The following PI4K2B variants were observed in gnomAD, a reference collection of about 807,000 sequenced individuals.
PI4K2B encodes the protein phosphatidylinositol 4-kinase type 2 beta.
Under a neutral mutation model 56.6 loss-of-function variants are expected in PI4K2B, and 46 were observed. That is an observed-to-expected ratio of 0.81 (90% confidence interval 0.64 to 1.04). PI4K2B has a LOEUF of 1.04. Ranked by LOEUF, PI4K2B falls within the 50% of genes least tolerant of loss-of-function variation. The pLI, the probability that PI4K2B is intolerant of heterozygous loss-of-function variation, is 0.00. For synonymous variants in PI4K2B, 211 were observed against 223.8 expected (o/e 0.94, Z 0.51); for missense variants, 556 against 607.7 (o/e 0.91, Z 0.89).
At chr4:25,272,128 G>A (rs1716921843) in intron 9 of PI4K2B, among the ~76,000 whole-genome samples, 1 of 151,760 alleles carries the variant, frequency 6.6e-6, no homozygotes, top group Non-Finnish European at 1.5e-5. Flanking sequence ...CTGGGCAGCA[G>A]AGCAAGACCT....
chr4:25,268,385 TG>T lies in PI4K2B; in HGVS notation c.1079-57del, dbSNP rs970664008. On this transcript the variant is annotated intron_variant, in intron 7 of 9. Coordinates refer to ENST00000264864, the MANE Select transcript of PI4K2B (RefSeq NM_018323.4). ...AGTTGTAGGAAAGAACCGGGAAAAA[TG>T]TAAGTCTAAATAAACCATTTCCTAC... The T allele has an allele frequency of 7.8e-6, 11 of 1,417,724 alleles. No homozygotes were observed. The African/African-American group carries it at 1.3e-4, about 17-fold the overall frequency. The allele number at this position is 1,417,724 out of a possible 1,614,324, so 87.8% of individuals were successfully genotyped here.
chr4:25,256,150 TCAAGCAGTCTACCTGCCA>T (rs1357301278), intron 3 of PI4K2B, among the ~76,000 whole-genome samples: 1 of 152,196 alleles, frequency 6.6e-6, no homozygotes, highest in Non-Finnish European at 1.5e-5. Context: ...ACTCCTGAGC[TCAAGCAGTCTACCTGCCA>T]CAGCCCCCCA....
Position 25,273,866 on chromosome 4 carries a change from C to A in PI4K2B, c.1273-3148C>A, listed in dbSNP as rs114091056. On this transcript the variant is annotated intron_variant, in intron 9 of 9. Transcript: ENST00000264864. ...CAACACAGTCGGGCTCCAAACAGTG[C>A]ATCTACCTTTATCTCTTGCCGTTTT... 6.2e-3 allele frequency among the ~76,000 whole-genome samples: 939 copies of A among 152,346 alleles called. 12 individuals carry two copies. The highest frequency in any genetic ancestry group is 0.022 in the African/African-American group (897 of 41,576).
At position 25,260,535 on chromosome 4, in the gene PI4K2B, G is replaced by A; in HGVS notation, c.922G>A (p.Asp308Asn). 6.9e-7 allele frequency: 1 copy of A among 1,444,150 alleles called. No homozygotes were observed. Among genetic ancestry groups the A allele is most frequent in the East Asian group, 2.8e-5 (1 of 35,966 alleles). The allele number at this position is 1,444,150 out of a possible 1,614,324, so 89.5% of individuals were successfully genotyped here. Residue 308 changes from aspartate (D) to asparagine (N), a missense_variant, in exon 6 of 10, where the codon GAT (aspartate) becomes AAT (asparagine). Asp to Asn is a conservative substitution (Grantham distance 23). Transcript: ENST00000264864. ...GTTTGTTTTGAAAGACAGGGGCAAT[G>A]ATAATTGGTTAGTCAGATACGAAAA... is the stretch of plus-strand genomic sequence containing the variant. The part of the protein sequence containing the change: ...YIIRNTDRGN[D>N]NWLVRYEKQK...
At chr4:25,255,591 T>A (rs1344204370) in intron 3 of PI4K2B, among the ~76,000 whole-genome samples, 7 of 152,246 alleles carry the variant, frequency 4.6e-5, no homozygotes, top group Admixed American at 3.3e-4. Context: ...AGACTTGTAT[T>A]GTCCTTTCAG....
At chr4:25,251,316 A>G (rs1716040828) in intron 1 of PI4K2B, among the ~76,000 whole-genome samples, 1 of 152,020 alleles carries the variant, frequency 6.6e-6, no homozygotes, top group African/African-American at 2.4e-5. Flanking sequence ...ATGGAAGAGG[A>G]GGTGTTGGGA....
chr4:25,266,958 G>A (rs1172378676), intron 7 of PI4K2B, among the ~76,000 whole-genome samples: 2 of 150,694 alleles, frequency 1.3e-5, no homozygotes, highest in Non-Finnish European at 3.0e-5. Context: ...ACTAAGTGTG[G>A]AATCAGGGGT....
chr4:25,260,202 AG>A (rs1161183485), intron 5 of PI4K2B, among the ~76,000 whole-genome samples: 1 of 152,156 alleles, frequency 6.6e-6, no homozygotes, highest in Non-Finnish European at 1.5e-5. Context: ...TTCTTCCTAA[AG>A]TGAAGAAAAG....
At chr4:25,266,083 C>G (rs567449759) in intron 7 of PI4K2B, among the ~76,000 whole-genome samples, 1 of 151,042 alleles carries the variant, frequency 6.6e-6, no homozygotes, top group Non-Finnish European at 1.5e-5. Flanking sequence ...ACCTCAGTGG[C>G]CTTTGCTTTT....
intron 1 of PI4K2B, among the ~76,000 whole-genome samples, chr4:25,246,841 G>A (rs1333009486): frequency 6.6e-6 from 1 of 152,238 alleles, no homozygotes; most frequent in African/African-American, 2.4e-5. Context: ...AGCACCCTCT[G>A]CAGCTGCTGG....
chr4:25,261,972 G>T (rs1716496307), intron 6 of PI4K2B, among the ~76,000 whole-genome samples: 1 of 152,076 alleles, frequency 6.6e-6, no homozygotes. Context: ...GCAGAAATGG[G>T]CTTAAAATAC....
intron 1 of PI4K2B, among the ~76,000 whole-genome samples, chr4:25,247,813 C>T (rs924131210): frequency 2.0e-5 from 3 of 152,236 alleles, no homozygotes; most frequent in East Asian, 1.9e-4. Flanking sequence ...AAGTGATCCT[C>T]CCACCTTAGC....
In PI4K2B at chr4:25,269,199, G is replaced by T. The variant is rs1242918335; in HGVS notation, c.1268G>T (p.Gly423Val). 6.5e-7 allele frequency: 1 copy of T among 1,531,108 alleles called. No individual in the cohort carries two copies. The allele number at this position is 1,531,108 out of a possible 1,614,324, so 94.8% of individuals were successfully genotyped here. A position where few individuals can be genotyped will look rare whatever the true frequency, so the allele number is the denominator to read the frequency against. ...GAAAGTCAGATGTCTGTGATGAGGG[G>T]TCAGGTAAGTTACCTTTTTATTTGT... Reference protein sequence around the residue: ...TFESQMSVMRGQILNLTQALR... With the variant: ...TFESQMSVMRVQILNLTQALR... The change falls in exon 9 of 10, where the codon GGT (glycine) becomes GTT (valine). Residue 423 changes from glycine to valine, a missense_variant. By Grantham distance (109) the Gly-to-Val change is moderately radical (BLOSUM62 -3). Coordinates refer to ENST00000264864, the MANE Select transcript of PI4K2B (RefSeq NM_018323.4).
chr4:25,259,865 C>G (rs1406075440), intron 5 of PI4K2B, among the ~76,000 whole-genome samples: 1 of 152,154 alleles, frequency 6.6e-6, no homozygotes, highest in East Asian at 1.9e-4. Context: ...CATTGTGGGT[C>G]CCTGGACTGT....
Position 25,269,070 on chromosome 4 carries a change from A to G in PI4K2B, c.1213-74A>G, listed in dbSNP as rs941352783. 4.9e-5 allele frequency: 39 copies of G among 791,422 alleles called. 1 individual carries two copies. The highest frequency in any genetic ancestry group is 1.1e-5 in the Non-Finnish European group (5 of 469,874). 49.0% of individuals were successfully genotyped at this position (791,422 alleles called of 1,614,324 possible). ...TTTAATGGCCTTATTTGCTGAGTTG[A>G]AGAGTTCATCTGTTTTCAAATATTT... On this transcript the variant is annotated intron_variant, in intron 8 of 9. Coordinates refer to ENST00000264864, the MANE Select transcript of PI4K2B (RefSeq NM_018323.4).
At chr4:25,240,024 T>C (rs1715449741) in intron 1 of PI4K2B, among the ~76,000 whole-genome samples, 1 of 152,184 alleles carries the variant, frequency 6.6e-6, no homozygotes, top group Admixed American at 6.5e-5. Flanking sequence ...ATTTGTAGCT[T>C]GATGGCCTCG....
At position 25,255,147 on chromosome 4, in the gene PI4K2B, T is replaced by G. The variant is rs778993544; in HGVS notation, c.506T>G (p.Val169Gly). ...AAATGGACCAAATATGTCCATAAGG[T>G]CTGCTGCCCTTGCTGCTTTGGCCGA... The part of the protein sequence containing the change: ...NPKWTKYVHK[V>G]CCPCCFGRGC... Residue 169 changes from valine to glycine, a missense_variant, in exon 3 of 10, where the codon GTC (valine) becomes GGC (glycine). By Grantham distance (109) the Val-to-Gly change is moderately radical. Coordinates refer to ENST00000264864, the MANE Select transcript of PI4K2B (RefSeq NM_018323.4). The G allele has an allele frequency of 1.2e-6, 2 of 1,613,860 alleles. No individual in the cohort carries two copies. The highest frequency in any genetic ancestry group is 2.7e-5 in the African/African-American group (2 of 74,906).
chr4:25,269,323 A>G (rs1003422142), intron 9 of PI4K2B, 120 bp downstream of exon 9: 2 of 623,320 alleles, frequency 3.2e-6, no homozygotes, highest in African/African-American at 3.7e-5. Flanking sequence ...CTGAACCAAA[A>G]TAGCCCAGAT....
At position 25,260,869 on chromosome 4, in the gene PI4K2B, A is replaced by AT. The variant is rs60224286; in HGVS notation, c.978+299dup. Among the ~76,000 whole-genome samples, 53 of 105,498 alleles carry AT rather than the reference A, an allele frequency of 5.0e-4. 1 individual carries two copies. The South Asian group carries it at 6.7e-3, about 13-fold the overall frequency. The allele number at this position is 105,498 out of a possible 152,430, so 69.2% of individuals were successfully genotyped here. ...TTTACGTTGCATTTCTTGATTCTTGATTTTTTTTTTTTTTTTTTTTTAGGG... is the reference window on the plus strand; with the variant it reads ...TTTACGTTGCATTTCTTGATTCTTGATTTTTTTTTTTTTTTTTTTTTTAGGG... On this transcript the variant is annotated intron_variant, in intron 6 of 9. Transcript: ENST00000264864.
Sources: gnomAD v4.1 joint callset for allele counts (sites outside exome capture counted in the v4.1 genomes callset) on GRCh38, gnomAD v4.1.1 for gene constraint, MANE v1.5 for transcripts, NCBI Gene and HGNC (gene_info 2026-07-23, HGNC 2026-07-21) for gene names.